Variants in ERAP1 observed in about 807,000 individuals in gnomAD.
ERAP1 encodes adipocyte-derived leucine aminopeptidase.
Under a neutral mutation model 103.7 loss-of-function variants are expected in ERAP1, and 86 were observed. The observed-to-expected ratio is 0.83, with a 90% CI of 0.70 to 0.99. ERAP1 has a LOEUF of 0.99. Among genes scored for constraint, ERAP1 ranks in the 50% least tolerant of loss-of-function variants. The pLI is 0.00. For missense variants in ERAP1, 1,009 were observed against 1,128.4 expected (o/e 0.89, Z 1.52); for synonymous variants, 398 against 402.4 (o/e 0.99, Z 0.13).
chr5:96,861,730 G>T, the ERAP1 span, among the ~76,000 whole-genome samples: 1 of 152,096 alleles, frequency 6.6e-6, no homozygotes, highest in Non-Finnish European at 1.5e-5. Context: ...GGAAAGTGAG[G>T]CAACAGAACT....
At chr5:96,935,793 C>A in the ERAP1 span, 4 of 263,726 alleles carry the variant, frequency 1.5e-5, no homozygotes, top group Non-Finnish European at 2.9e-5. Flanking sequence ...CGCAGTAGGG[C>A]TCCACATTTG....
chr5:96,894,513 CA>C, the ERAP1 span, among the ~76,000 whole-genome samples: 81,856 of 151,730 alleles, frequency 0.54, 22,133 homozygotes, highest in Admixed American at 0.59. Flanking sequence ...ACTAGATGTG[CA>C]GTATTAGGCA....
the ERAP1 span, chr5:96,903,448 C>T: frequency 2.5e-6 from 4 of 1,613,850 alleles, no homozygotes; most frequent in Admixed American, 5.0e-5. Context: ...CTACATCGTT[C>T]ACTATGAGGG....
exon 20 of ERAP1, chr5:96,763,167 T>C (rs757562532): frequency 1.3e-6 from 1 of 780,624 alleles, no homozygotes; most frequent in Non-Finnish European, 2.4e-6. Context: ...TCAAAGCATA[T>C]TTAGTGCTGT....
chr5:96,797,792 C>T (rs1777512646), intron 3 of ERAP1, among the ~76,000 whole-genome samples: 1 of 152,170 alleles, frequency 6.6e-6, no homozygotes, highest in Non-Finnish European at 1.5e-5. Context: ...ATACAACTTA[C>T]CATTTTAAAG....
the ERAP1 span, among the ~76,000 whole-genome samples, chr5:96,927,482 T>C: frequency 6.6e-6 from 1 of 152,140 alleles, no homozygotes; most frequent in Middle Eastern, 3.4e-3. Context: ...GATCCTTTGC[T>C]ACTTTTTTTT....
At position 96,786,494 on chromosome 5, in the gene ERAP1, G is replaced by A. The variant is rs776931566; in HGVS notation, c.1735C>T (p.Arg579Ter). ...FITSKSDMVH[R>*]FLLKTKTDVL... ...CCTGTTTTTGTTTTTAGCAAAAATC[G>A]ATGGACCATGTCGGATTTGCTGGTG... The change falls in exon 12 of 19, where the codon CGA becomes TGA. Residue 579 changes from arginine (R) to a stop codon, truncating the protein, a stop_gained. Coordinates refer to ENST00000443439, the MANE Select transcript of ERAP1 (RefSeq NM_001040458.3). LOFTEE classifies it high-confidence loss of function. The A allele has an allele frequency of 3.7e-6, 6 of 1,612,660 alleles. No homozygotes were observed. The highest frequency in any genetic ancestry group is 2.2e-5 in the South Asian group (2 of 91,042).
upstream of ERAP1, among the ~76,000 whole-genome samples, chr5:96,809,619 T>C (rs1779031349): frequency 6.6e-6 from 1 of 152,202 alleles, no homozygotes; most frequent in Non-Finnish European, 1.5e-5. Context: ...AAGACTCAAC[T>C]ACGGTGGGAT....
At chr5:96,895,464 G>A in the ERAP1 span, 6 of 819,974 alleles carry the variant, frequency 7.3e-6, no homozygotes, top group Non-Finnish European at 1.2e-5. Context: ...TAATGTTGTG[G>A]TTTTTGAACA....
At chr5:96,807,267 CAGA>C (rs1443017733) in intron 1 of ERAP1, among the ~76,000 whole-genome samples, 2 of 152,134 alleles carry the variant, frequency 1.3e-5, no homozygotes, top group African/African-American at 2.4e-5. Context: ...AATTGCTGAC[CAGA>C]AGAACAGGAG....
the ERAP1 span, among the ~76,000 whole-genome samples, chr5:96,833,764 C>T: frequency 6.7e-6 from 1 of 150,008 alleles, no homozygotes; most frequent in Non-Finnish European, 1.5e-5. Flanking sequence ...CACCACTGCA[C>T]TCCAGCCTGG....
chr5:96,822,336 C>T, the ERAP1 span, among the ~76,000 whole-genome samples: 2 of 152,262 alleles, frequency 1.3e-5, no homozygotes, highest in African/African-American at 4.8e-5. Flanking sequence ...AAATCTAAAT[C>T]AGGAAGCCAG....
the ERAP1 span, among the ~76,000 whole-genome samples, chr5:96,827,682 A>AATAG: frequency 6.6e-6 from 1 of 151,924 alleles, no homozygotes; most frequent in African/African-American, 2.4e-5. Flanking sequence ...TAAATAAATA[A>AATAG]ATAAAAACGT....
At chr5:96,894,635 A>T in the ERAP1 span, among the ~76,000 whole-genome samples, 1 of 152,190 alleles carries the variant, frequency 6.6e-6, no homozygotes, top group Non-Finnish European at 1.5e-5. Flanking sequence ...ATATTTATGC[A>T]TCCTTTTTAT....
the ERAP1 span, among the ~76,000 whole-genome samples, chr5:96,836,488 C>T: frequency 6.6e-6 from 1 of 152,184 alleles, no homozygotes; most frequent in Non-Finnish European, 1.5e-5. Flanking sequence ...AGGCGTGAGC[C>T]ACCACGCCTG....
At chr5:96,793,700 T>G in intron 6 of ERAP1, 103 bp downstream of exon 6, 1 of 1,260,564 alleles carries the variant, frequency 7.9e-7, no homozygotes, top group Non-Finnish European at 1.1e-6. Context: ...ATTTTTCCTA[T>G]TAAAAAAAGA....
At chr5:96,864,933 T>G in the ERAP1 span, among the ~76,000 whole-genome samples, 2 of 152,150 alleles carry the variant, frequency 1.3e-5, no homozygotes, top group African/African-American at 2.4e-5. Flanking sequence ...AATGCAAATA[T>G]GAGCTAATAA....
At chr5:96,839,473 C>T in the ERAP1 span, among the ~76,000 whole-genome samples, 1 of 152,236 alleles carries the variant, frequency 6.6e-6, no homozygotes, top group Non-Finnish European at 1.5e-5. Context: ...ACACTCCTTT[C>T]TAATTACTCA....
At chr5:96,892,680 A>G in the ERAP1 span, among the ~76,000 whole-genome samples, 2 of 152,154 alleles carry the variant, frequency 1.3e-5, no homozygotes, top group African/African-American at 4.8e-5. Context: ...ATCCTCTAAA[A>G]CCTTTCAAAG....
Sources: allele counts gnomAD v4.1 joint callset (sites outside exome capture counted in the v4.1 genomes callset), GRCh38; gene constraint gnomAD v4.1.1; transcripts MANE v1.5; gene names NCBI Gene and HGNC (gene_info 2026-07-23, HGNC 2026-07-21).